Variants in CA10 observed in about 807,000 individuals in gnomAD.
The protein encoded by CA10 is carbonic anhydrase 10 (inactive), also known as carbonic anhydrase-related protein 10.
A neutral mutation model predicts 44.2 loss-of-function variants in CA10; 14 were observed. The observed-to-expected ratio is 0.32, with a 90% CI of 0.21 to 0.50. CA10 has a LOEUF of 0.50. CA10 is among the 20% of genes least tolerant of loss of function. The pLI is 0.99. For missense variants in CA10, 350 were observed against 409.7 expected, an observed-to-expected ratio of 0.85 and a Z score of 1.26; for synonymous variants, 159 against 141.6, an observed-to-expected ratio of 1.12 and a Z score of -0.87.
intron 3 of CA10, among the ~76,000 whole-genome samples, chr17:51,815,496 T>TC (rs1335087771): frequency 6.6e-6 from 1 of 152,100 alleles, no homozygotes; most frequent in Non-Finnish European, 1.5e-5. Flanking sequence ...AGTGAACTCC[T>TC]CCCTGCCTCT....
At chr17:51,645,612 T>G (rs1567787177) in intron 6 of CA10, among the ~76,000 whole-genome samples, 1 of 152,160 alleles carries the variant, frequency 6.6e-6, no homozygotes, top group Admixed American at 6.5e-5. Context: ...TGAACCAAAG[T>G]TGGAATTAAG....
At chr17:52,107,815 G>C (rs1054402550) in intron 1 of CA10, among the ~76,000 whole-genome samples, 1 of 152,114 alleles carries the variant, frequency 6.6e-6, no homozygotes, top group Non-Finnish European at 1.5e-5. Context: ...GAAGACATTT[G>C]CTCAGGTAGG....
intron 3 of CA10, among the ~76,000 whole-genome samples, chr17:51,777,308 G>A (rs975960899): frequency 1.3e-5 from 2 of 152,196 alleles, no homozygotes; most frequent in African/African-American, 4.8e-5. Flanking sequence ...GAGAGATCAA[G>A]AAATATTTCA....
intron 3 of CA10, among the ~76,000 whole-genome samples, chr17:51,921,076 G>T (rs1387416953): frequency 6.6e-6 from 1 of 152,130 alleles, no homozygotes; most frequent in Non-Finnish European, 1.5e-5. Flanking sequence ...TGCTTTAAAG[G>T]GTGTTTTCCT....
rs567375900 is a variant in CA10 at position 51,820,592 on chromosome 17, GA to G, written c.280-72775del. Among the ~76,000 whole-genome samples, 346 of 152,074 alleles carry G rather than the reference GA, an allele frequency of 2.3e-3. 1 individual carries two copies. Among genetic ancestry groups the G allele is most frequent in the African/African-American group, 7.9e-3 (329 of 41,458 alleles). ...TTGAAAATTTCCACTTATACCTGAA[GA>G]CTACTTAATACCAAGCTACTTTAAT... On this transcript the variant is annotated intron_variant, in intron 3 of 8. Transcript: ENST00000451037.
At chr17:51,781,551 T>C (rs1336499952) in intron 3 of CA10, among the ~76,000 whole-genome samples, 9 of 152,234 alleles carry the variant, frequency 5.9e-5, no homozygotes, top group Admixed American at 1.3e-4. Context: ...GCATTAATAA[T>C]GATGAAAATC....
intron 4 of CA10, among the ~76,000 whole-genome samples, chr17:51,682,000 C>A (rs191657018): frequency 6.6e-6 from 1 of 152,350 alleles, no homozygotes; most frequent in Admixed American, 6.5e-5. Context: ...AGCAAAAAAT[C>A]TGACCATAAA....
At chr17:51,900,773 C>T (rs58415185) in intron 3 of CA10, among the ~76,000 whole-genome samples, 14,891 of 152,070 alleles carry the variant, frequency 0.098, 912 homozygotes, top group African/African-American at 0.18. Flanking sequence ...TCGAGCTCTG[C>T]AATTCTTTCC....
At chr17:51,683,384 C>T (rs923062657) in intron 4 of CA10, among the ~76,000 whole-genome samples, 2 of 152,124 alleles carry the variant, frequency 1.3e-5, no homozygotes, top group Non-Finnish European at 2.9e-5. Context: ...CTCTCCTGGT[C>T]ACAGTTTTTT....
chr17:51,679,019 C>A (rs1192986059), intron 4 of CA10, among the ~76,000 whole-genome samples: 2 of 152,096 alleles, frequency 1.3e-5, no homozygotes. Flanking sequence ...TGTTCCAAAG[C>A]AATTGCATTT....
At chr17:52,023,259 C>A (rs1020132296) in intron 2 of CA10, among the ~76,000 whole-genome samples, 2 of 151,984 alleles carry the variant, frequency 1.3e-5, no homozygotes, top group Non-Finnish European at 2.9e-5. Context: ...TAAAAACAGG[C>A]TCATACACCA....
chr17:51,979,022 GC>G (rs1262419356), intron 2 of CA10, among the ~76,000 whole-genome samples: 6 of 152,038 alleles, frequency 3.9e-5, no homozygotes, highest in African/African-American at 9.7e-5. Flanking sequence ...TTTCCTCCCT[GC>G]CTGCCACAAA....
chr17:51,804,326 C>G (rs568735198), intron 3 of CA10, among the ~76,000 whole-genome samples: 9 of 152,240 alleles, frequency 5.9e-5, no homozygotes, highest in African/African-American at 1.9e-4. Flanking sequence ...TATCACTGTC[C>G]GCATTTGTTT....
At chr17:51,909,339 G>C (rs186113946) in intron 3 of CA10, among the ~76,000 whole-genome samples, 4 of 152,272 alleles carry the variant, frequency 2.6e-5, no homozygotes, top group Admixed American at 2.6e-4. Flanking sequence ...TGCAGAATTA[G>C]TCACTATTTA....
chr17:51,653,881 G>A, intron 4 of CA10, 145 bp from the exon 5 acceptor site: 1 of 637,850 alleles, frequency 1.6e-6, no homozygotes, highest in Admixed American at 2.4e-5. Context: ...GATTTCAGAG[G>A]GATGTGTGTG....
intron 4 of CA10, among the ~76,000 whole-genome samples, chr17:51,697,472 C>T (rs1291761268): frequency 6.6e-6 from 1 of 152,208 alleles, no homozygotes; most frequent in Non-Finnish European, 1.5e-5. Flanking sequence ...GCTCTCATGT[C>T]CCCTCCTCCA....
intron 2 of CA10, among the ~76,000 whole-genome samples, chr17:52,033,562 T>C (rs1264869377): frequency 6.6e-6 from 1 of 152,162 alleles, no homozygotes; most frequent in Non-Finnish European, 1.5e-5. Context: ...TTTAATAGGG[T>C]ACTATTCAGC....
chr17:51,641,138 TCTCTCTCTCTCAGCTCTCTCTCTCTCTC>T (rs1913065033), intron 6 of CA10, among the ~76,000 whole-genome samples: 1 of 148,322 alleles, frequency 6.7e-6, no homozygotes, highest in African/African-American at 2.5e-5. Flanking sequence ...TCTTTCTCTC[TCTCTCTCTCTCAGCTCTCTCTCTCTCTC>T]CTCTCTCTCT....
At chr17:51,998,563 C>G (rs1471706086) in intron 2 of CA10, among the ~76,000 whole-genome samples, 1 of 152,054 alleles carries the variant, frequency 6.6e-6, no homozygotes, top group Non-Finnish European at 1.5e-5. Flanking sequence ...AGATAATGCT[C>G]TAAACTCTGG....
Sources: gnomAD v4.1 joint callset for allele counts (sites outside exome capture counted in the v4.1 genomes callset) on GRCh38, gnomAD v4.1.1 for gene constraint, MANE v1.5 for transcripts, NCBI Gene and HGNC (gene_info 2026-07-23, HGNC 2026-07-21) for gene names.